Variants in NKAIN2 observed in about 807,000 individuals in gnomAD.
NKAIN2 encodes the protein sodium/potassium-transporting ATPase subunit beta-1-interacting protein 2.
Under a neutral mutation model 32.6 loss-of-function variants are expected in NKAIN2, and 14 were observed. The ratio of observed to expected loss-of-function variants is 0.43; its 90% CI spans 0.28 to 0.67. The LOEUF is 0.67. Among genes scored for constraint, NKAIN2 ranks in the 30% least tolerant of loss-of-function variants. The pLI, the probability that NKAIN2 is intolerant of heterozygous loss-of-function variation, is 0.17. For missense variants in NKAIN2, 198 were observed against 258.3 expected (o/e 0.77, Z 1.60); for synonymous variants, 80 against 87.2 (o/e 0.92, Z 0.46).
intron 1 of NKAIN2, among the ~76,000 whole-genome samples, chr6:124,001,862 G>T (rs1210230088): frequency 2.0e-5 from 3 of 147,478 alleles, no homozygotes; most frequent in Admixed American, 6.9e-5. Context: ...GCACAAGAGG[G>T]TTAGTTACTC....
At chr6:124,682,322 A>C (rs1773661987) in intron 4 of NKAIN2, among the ~76,000 whole-genome samples, 1 of 152,164 alleles carries the variant, frequency 6.6e-6, no homozygotes, top group African/African-American at 2.4e-5. Flanking sequence ...ATAAGTTAGA[A>C]AACTTCAAAA....
chr6:124,702,121 A>G (rs1774821198), intron 4 of NKAIN2, among the ~76,000 whole-genome samples: 1 of 152,132 alleles, frequency 6.6e-6, no homozygotes, highest in African/African-American at 2.4e-5. Flanking sequence ...ATACTGCTAT[A>G]TATATATTTG....
intron 2 of NKAIN2, among the ~76,000 whole-genome samples, chr6:124,333,659 C>CTAAG (rs1554283502): frequency 2.7e-5 from 4 of 146,416 alleles, no homozygotes. Flanking sequence ...GACTCAGTCT[C>CTAAG]TAAATAAATA....
chr6:124,414,467 T>G (rs981017893), intron 3 of NKAIN2, among the ~76,000 whole-genome samples: 1 of 152,184 alleles, frequency 6.6e-6, no homozygotes, highest in Non-Finnish European at 1.5e-5. Context: ...TAATTTTCGT[T>G]ACTTGTATTT....
In NKAIN2 at chr6:124,660,589, C is replaced by A. The variant is rs879466532; in HGVS notation, c.474+2203C>A. On this transcript the variant is annotated intron_variant, in intron 4 of 6. Transcript: ENST00000368417. ...GCTCTTGTTTCTCCTGTCTGCATTC[C>A]CCCCAGTGGAGTGAAGGAATAGTTT... 2.2e-3 allele frequency among the ~76,000 whole-genome samples: 340 copies of A among 152,234 alleles called. 2 individuals carry two copies. Among genetic ancestry groups the A allele is most frequent in the Non-Finnish European group, 4.4e-3 (296 of 68,008 alleles).
chr6:124,359,505 G>T (rs566805866), intron 3 of NKAIN2, among the ~76,000 whole-genome samples: 61 of 152,096 alleles, frequency 4.0e-4, no homozygotes, highest in South Asian at 4.1e-4. Flanking sequence ...GTAAGTTGGA[G>T]TCCTAGGTAT....
chr6:124,684,949 A>G (rs980541704), intron 4 of NKAIN2, among the ~76,000 whole-genome samples: 1 of 152,088 alleles, frequency 6.6e-6, no homozygotes, highest in Non-Finnish European at 1.5e-5. Flanking sequence ...TTGTTTCCTT[A>G]TCAGAAAGAT....
chr6:124,793,295 C>A (rs1779829933), intron 5 of NKAIN2, among the ~76,000 whole-genome samples: 2 of 152,058 alleles, frequency 1.3e-5, no homozygotes, highest in South Asian at 4.1e-4. Context: ...TTTGAGGTAC[C>A]TAGCGCCTAT....
At chr6:124,625,470 C>A (rs1783283511) in intron 3 of NKAIN2, among the ~76,000 whole-genome samples, 1 of 151,942 alleles carries the variant, frequency 6.6e-6, no homozygotes, top group Non-Finnish European at 1.5e-5. Context: ...AAATCATAGT[C>A]CTTTGTTTCA....
chr6:124,020,219 A>G (rs1219747812), intron 1 of NKAIN2, among the ~76,000 whole-genome samples: 1 of 152,098 alleles, frequency 6.6e-6, no homozygotes, highest in African/African-American at 2.4e-5. Flanking sequence ...CAATGTGAAA[A>G]TGGGTCATTC....
chr6:124,616,238 G>T (rs1418631525), intron 3 of NKAIN2, among the ~76,000 whole-genome samples: 1 of 151,818 alleles, frequency 6.6e-6, no homozygotes, highest in Non-Finnish European at 1.5e-5. Flanking sequence ...GCCTGTGTTT[G>T]TTCCCTGTTC....
intron 1 of NKAIN2, among the ~76,000 whole-genome samples, chr6:124,058,209 T>G (rs1422672288): frequency 1.3e-5 from 2 of 150,958 alleles, no homozygotes; most frequent in Admixed American, 1.3e-4. Flanking sequence ...GTTTTGTTTT[T>G]TTTTTTTTTT....
intron 5 of NKAIN2, among the ~76,000 whole-genome samples, chr6:124,801,913 C>T (rs1763436698): frequency 6.6e-6 from 1 of 152,160 alleles, no homozygotes; most frequent in Admixed American, 6.5e-5. Context: ...ACCAAAGGTA[C>T]ACCGTAAGTC....
chr6:124,496,846 C>A (rs1203408414), intron 3 of NKAIN2, among the ~76,000 whole-genome samples: 2 of 151,978 alleles, frequency 1.3e-5, no homozygotes, highest in East Asian at 3.9e-4. Flanking sequence ...CCATTGACGC[C>A]CCTAAACATC....
intron 4 of NKAIN2, among the ~76,000 whole-genome samples, chr6:124,725,132 G>C (rs1349424226): frequency 1.3e-5 from 2 of 152,156 alleles, no homozygotes; most frequent in Non-Finnish European, 2.9e-5. Context: ...GAACCATCAT[G>C]TTAAGTAGCT....
At chr6:123,817,403 G>A (rs900164724) in intron 1 of NKAIN2, among the ~76,000 whole-genome samples, 3 of 152,182 alleles carry the variant, frequency 2.0e-5, no homozygotes, top group African/African-American at 7.2e-5. Context: ...TCCCTTTGTC[G>A]AGATCCTCTG....
intron 1 of NKAIN2, among the ~76,000 whole-genome samples, chr6:124,237,429 G>A (rs1792833648): frequency 6.6e-6 from 1 of 152,086 alleles, no homozygotes; most frequent in Non-Finnish European, 1.5e-5. Flanking sequence ...CAAGAAATGA[G>A]TGGCTAGTTA....
intron 1 of NKAIN2, among the ~76,000 whole-genome samples, chr6:123,865,205 T>C (rs914732004): frequency 2.6e-5 from 4 of 152,144 alleles, no homozygotes; most frequent in African/African-American, 4.8e-5. Context: ...TTGTATTATT[T>C]ATGAAACAAG....
chr6:123,859,997 G>A (rs377712792), intron 1 of NKAIN2, among the ~76,000 whole-genome samples: 149 of 152,230 alleles, frequency 9.8e-4, no homozygotes, highest in African/African-American at 3.4e-3. Flanking sequence ...GGCCCTGTTC[G>A]CTTTTGAGAA....
Sources: gnomAD v4.1 joint callset for allele counts (sites outside exome capture counted in the v4.1 genomes callset) on GRCh38, gnomAD v4.1.1 for gene constraint, MANE v1.5 for transcripts, NCBI Gene and HGNC (gene_info 2026-07-23, HGNC 2026-07-21) for gene names.